ATRNL1: variants seen among roughly 807,000 people sequenced by gnomAD.
ATRNL1 encodes the protein attractin like 1.
In ATRNL1, 95 loss-of-function variants were observed where a neutral mutation model predicts 182.7. That is an observed-to-expected ratio of 0.52 (90% CI 0.44 to 0.62). The LOEUF (loss-of-function observed/expected upper bound fraction) is 0.62, where lower values mean the gene tolerates loss of function less well. ATRNL1 is among the 20% of genes least tolerant of loss of function. ATRNL1 has a pLI of 0.00. For synonymous variants in ATRNL1, 576 were observed against 568.3 expected (o/e 1.01, Z -0.19); for missense variants, 1,471 against 1,679.5 (o/e 0.88, Z 2.17).
At chr10:115,114,419 A>G (rs1249397288) in intron 1 of ATRNL1, among the ~76,000 whole-genome samples, 1 of 152,308 alleles carries the variant, frequency 6.6e-6, no homozygotes, top group East Asian at 1.9e-4. Context: ...AGAAGCTTCT[A>G]TACATCAAAG....
chr10:115,817,044 G>A (rs1268995981), intron 27 of ATRNL1, among the ~76,000 whole-genome samples: 1 of 151,990 alleles, frequency 6.6e-6, no homozygotes, highest in African/African-American at 2.4e-5. Context: ...AGGCTAGATT[G>A]GAAATAAAGA....
intron 25 of ATRNL1, among the ~76,000 whole-genome samples, chr10:115,526,739 G>C (rs1406368692): frequency 6.6e-6 from 1 of 152,222 alleles, no homozygotes; most frequent in Non-Finnish European, 1.5e-5. Flanking sequence ...AGCAATAAAC[G>C]TGTTAGGGGA....
intron 10 of ATRNL1, among the ~76,000 whole-genome samples, chr10:115,250,815 T>G (rs1850844672): frequency 6.6e-6 from 1 of 152,226 alleles, no homozygotes; most frequent in South Asian, 2.1e-4. Flanking sequence ...TAAGAAGGTC[T>G]CTGTTGCATT....
chr10:115,540,789 G>A (rs1415593553), intron 25 of ATRNL1, among the ~76,000 whole-genome samples: 5 of 150,952 alleles, frequency 3.3e-5, no homozygotes, highest in African/African-American at 4.9e-5. Flanking sequence ...AGGGAACAGG[G>A]CTCTAATGGA....
intron 8 of ATRNL1, among the ~76,000 whole-genome samples, chr10:115,188,916 T>C (rs1050788592): frequency 1.3e-5 from 2 of 152,148 alleles, no homozygotes; most frequent in Non-Finnish European, 2.9e-5. Context: ...AAGCAAAATT[T>C]TATTATGTGT....
At chr10:115,515,984 T>C (rs1850619783) in intron 24 of ATRNL1, among the ~76,000 whole-genome samples, 2 of 151,954 alleles carry the variant, frequency 1.3e-5, no homozygotes, top group East Asian at 1.9e-4. Flanking sequence ...CTGAATATCC[T>C]CTTAGAGATA....
intron 27 of ATRNL1, among the ~76,000 whole-genome samples, chr10:115,728,653 C>T (rs1202352765): frequency 8.6e-5 from 13 of 152,024 alleles, no homozygotes; most frequent in African/African-American, 2.9e-4. Flanking sequence ...GACAAAATCA[C>T]AACTCATGGA....
At chr10:115,320,180 G>T (rs547723083) in intron 18 of ATRNL1, among the ~76,000 whole-genome samples, 4 of 152,058 alleles carry the variant, frequency 2.6e-5, no homozygotes, top group African/African-American at 7.2e-5. Context: ...ATGAAATTCT[G>T]GGTTGAAAAT....
intron 27 of ATRNL1, among the ~76,000 whole-genome samples, chr10:115,752,727 G>C (rs1320017884): frequency 6.6e-6 from 1 of 152,040 alleles, no homozygotes; most frequent in African/African-American, 2.4e-5. Context: ...TAGACAGTGA[G>C]TACTCCATAA....
intron 21 of ATRNL1, among the ~76,000 whole-genome samples, chr10:115,446,117 A>T (rs1368792020): frequency 6.6e-6 from 1 of 151,884 alleles, no homozygotes; most frequent in Non-Finnish European, 1.5e-5. Context: ...TCATCAACAG[A>T]TTTTTTTCTT....
chr10:115,383,225 G>A (rs1191417050), intron 19 of ATRNL1, among the ~76,000 whole-genome samples: 1 of 151,444 alleles, frequency 6.6e-6, no homozygotes, highest in Non-Finnish European at 1.5e-5. Context: ...AAGCCCACTG[G>A]ATCATGGTGG....
intron 27 of ATRNL1, among the ~76,000 whole-genome samples, chr10:115,775,198 C>A (rs1449477010): frequency 2.0e-5 from 3 of 152,180 alleles, no homozygotes; most frequent in African/African-American, 7.2e-5. Flanking sequence ...CCTTCTAAAA[C>A]ATATAGCTTT....
At chr10:115,880,240 A>G (rs1180598530) in intron 28 of ATRNL1, among the ~76,000 whole-genome samples, 1 of 152,210 alleles carries the variant, frequency 6.6e-6, no homozygotes, top group Non-Finnish European at 1.5e-5. Flanking sequence ...GATCTGAGAC[A>G]GTGGGGTCAA....
intron 24 of ATRNL1, among the ~76,000 whole-genome samples, chr10:115,495,532 A>T (rs11599485): frequency 6.6e-6 from 1 of 151,888 alleles, no homozygotes. Context: ...TGTTCTCATT[A>T]ATTTCAAAGA....
At chr10:115,257,911 T>C (rs1227407092) in intron 10 of ATRNL1, among the ~76,000 whole-genome samples, 1 of 152,250 alleles carries the variant, frequency 6.6e-6, no homozygotes, top group Non-Finnish European at 1.5e-5. Context: ...AAAATTCTTT[T>C]CTTTAAGAAT....
intron 26 of ATRNL1, among the ~76,000 whole-genome samples, chr10:115,708,053 TTTAAA>T (rs1946953931): frequency 6.6e-6 from 1 of 151,630 alleles, no homozygotes; most frequent in African/African-American, 2.4e-5. Flanking sequence ...TTTCAAGTTA[TTTAAA>T]TTATATATAA....
At chr10:115,185,778 A>G (rs1329616687) in intron 8 of ATRNL1, among the ~76,000 whole-genome samples, 2 of 152,076 alleles carry the variant, frequency 1.3e-5, no homozygotes, top group South Asian at 2.1e-4. Flanking sequence ...TCGTAACTAC[A>G]TAGTAGAGAA....
At chr10:115,820,561 G>A (rs1441512120) in intron 27 of ATRNL1, 2 of 152,096 alleles carry the variant, frequency 1.3e-5, no homozygotes, top group Non-Finnish European at 2.9e-5. Flanking sequence ...CCTAATGAAG[G>A]CAGGTCGGCC....
chr10:115,275,228 C>A (rs1852052475), intron 13 of ATRNL1, among the ~76,000 whole-genome samples: 1 of 152,066 alleles, frequency 6.6e-6, no homozygotes, highest in Admixed American at 6.5e-5. Context: ...GGGAAAATAG[C>A]CACAGGATGG....
Sources: allele counts gnomAD v4.1 joint callset (sites outside exome capture counted in the v4.1 genomes callset), GRCh38; gene constraint gnomAD v4.1.1; transcripts MANE v1.5; gene names NCBI Gene and HGNC (gene_info 2026-07-23, HGNC 2026-07-21).